COA8: variants seen among roughly 807,000 people sequenced by gnomAD.
COA8 encodes cytochrome c oxidase assembly factor 8, also known as UPF0671 protein C14orf153.
Under a neutral mutation model 22.0 loss-of-function variants are expected in COA8, and 20 were observed. The ratio of observed to expected loss-of-function variants is 0.91; its 90% CI spans 0.64 to 1.32. COA8 has a LOEUF of 1.32. COA8 is among the 40% of genes most tolerant of loss of function. The probability of loss-of-function intolerance (pLI) is 0.00; values close to 1 mark genes in which losing one functional copy is unlikely to be tolerated. For synonymous variants in COA8, 105 were observed against 79.9 expected (o/e 1.31, Z -1.68); for missense variants, 266 against 230.0 (o/e 1.16, Z -1.01).
Position 103,590,414 on chromosome 14 carries a change from C to T in COA8, c.*128C>T, listed in dbSNP as rs1249071163. ...CACATCTTCCTAAGGGGCCCCATGG[C>T]CTGTTTGGGGGCAGGGTAGGTCCTG... On this transcript the variant is annotated 3_prime_UTR_variant, in exon 5 of 5. Transcript: ENST00000409074. 5.6e-5 allele frequency: 47 copies of T among 844,078 alleles called. No homozygotes were observed. In the East Asian group the frequency reaches 6.4e-4, roughly 11 times the overall value. The allele number at this position is 844,078 out of a possible 1,614,324, so 52.3% of individuals were successfully genotyped here.
At chr14:103,577,176 TCTC>T (rs796510152) in intron 3 of COA8, among the ~76,000 whole-genome samples, 28 of 152,136 alleles carry the variant, frequency 1.8e-4, no homozygotes, top group African/African-American at 6.7e-4. Context: ...TTCAAGCAAT[TCTC>T]CTGTCTCAGC....
chr14:103,585,827 G>A (rs932962878), intron 3 of COA8, among the ~76,000 whole-genome samples: 1 of 151,792 alleles, frequency 6.6e-6, no homozygotes, highest in African/African-American at 2.4e-5. Context: ...ACTTGCCTCG[G>A]CCTCCCAAAG....
In COA8 at chr14:103,587,656, C is replaced by G. The variant is rs180798184; in HGVS notation, c.476+292C>G. Reference sequence around the variant, plus strand: ...CCGAGTAGCTGGGACTACAGGCACCCGCCAGCACGCCTGGCTAATTTTTTG... The same window carrying G: ...CCGAGTAGCTGGGACTACAGGCACCGGCCAGCACGCCTGGCTAATTTTTTG... On this transcript the variant is annotated intron_variant, in intron 4 of 4. Transcript: ENST00000409074. Among the ~76,000 whole-genome samples the G allele has an allele frequency of 9.0e-3, 1,367 of 151,598 alleles. 23 individuals are homozygous for G. Among genetic ancestry groups the G allele is most frequent in the African/African-American group, 0.032 (1,320 of 41,368 alleles).
chr14:103,569,576 G>A (rs1404403771), intron 1 of COA8, among the ~76,000 whole-genome samples: 1 of 152,210 alleles, frequency 6.6e-6, no homozygotes, highest in South Asian at 2.1e-4. Flanking sequence ...GTGCAGCCCT[G>A]GACAGTGGTC....
rs2076344710 is a variant in COA8, at chr14:103,590,581, A to G, written c.*295A>G. On this transcript the variant is annotated 3_prime_UTR_variant, in exon 5 of 5. Coordinates refer to ENST00000409074, the MANE Select transcript of COA8 (RefSeq NM_001370595.2). ...CAATTCAAAACAGAACTATTTAAAAATATTGGCCAGGCACGGTGGCTCACA... is the reference window on the plus strand; with the variant it reads ...CAATTCAAAACAGAACTATTTAAAAGTATTGGCCAGGCACGGTGGCTCACA... 3.9e-6 allele frequency: 1 copy of G among 259,492 alleles called. No individual in the cohort carries two copies. Among genetic ancestry groups the G allele is most frequent in the South Asian group, 5.8e-5 (1 of 17,278 alleles). 16.1% of individuals were successfully genotyped at this position (259,492 alleles called of 1,614,324 possible).
intron 4 of COA8, among the ~76,000 whole-genome samples, chr14:103,588,993 C>CT (rs2076331133): frequency 2.0e-5 from 3 of 152,310 alleles, no homozygotes; most frequent in Admixed American, 2.0e-4. Context: ...CGAGTATAAT[C>CT]TTTCCCTGGT....
At chr14:103,563,268 A>C in intron 1 of COA8, 144 bp downstream of exon 1, 1 of 1,125,280 alleles carries the variant, frequency 8.9e-7, no homozygotes, top group Middle Eastern at 1.9e-4. Context: ...ACAGTCCCGC[A>C]GCCCCGAGGC....
At chr14:103,574,268 AGGGC>A in intron 3 of COA8, 98 bp downstream of exon 3, 1 of 1,549,038 alleles carries the variant, frequency 6.5e-7, no homozygotes, top group South Asian at 1.1e-5. Context: ...GGGGAAGTTC[AGGGC>A]GGTCCTTGGC....
intron 3 of COA8, among the ~76,000 whole-genome samples, chr14:103,575,463 A>G (rs2076223887): frequency 6.6e-6 from 1 of 152,210 alleles, no homozygotes; most frequent in Non-Finnish European, 1.5e-5. Flanking sequence ...GAAAGTGAGC[A>G]GGCCACGGTG....
At chr14:103,565,259 C>G (rs1595134092) in intron 1 of COA8, among the ~76,000 whole-genome samples, 1 of 152,164 alleles carries the variant, frequency 6.6e-6, no homozygotes, top group East Asian at 1.9e-4. Context: ...CATGCCCAGC[C>G]AGCACCAGCT....
At chr14:103,568,542 C>T (rs906434333) in intron 1 of COA8, among the ~76,000 whole-genome samples, 6 of 150,556 alleles carry the variant, frequency 4.0e-5, no homozygotes, top group African/African-American at 1.5e-4. Context: ...CATATACACA[C>T]ACATGTACAC....
intron 2 of COA8, among the ~76,000 whole-genome samples, chr14:103,573,737 G>A (rs2076206321): frequency 6.6e-6 from 1 of 152,006 alleles, no homozygotes; most frequent in South Asian, 2.1e-4. Flanking sequence ...ATTTTTAGTA[G>A]AGACGGGGTT....
At chr14:103,587,456 A>G (rs2076316551) in intron 4 of COA8, 92 bp downstream of exon 4, 5 of 701,488 alleles carry the variant, frequency 7.1e-6, no homozygotes, top group Non-Finnish European at 1.1e-5. Flanking sequence ...ATTCATGTTT[A>G]TATCAGAGGT....
chr14:103,588,171 C>T (rs2076324733), intron 4 of COA8: 2 of 321,014 alleles, frequency 6.2e-6, no homozygotes, highest in South Asian at 3.0e-4. Flanking sequence ...ATAATAATGA[C>T]CTGTATTTAC....
At chr14:103,566,745 A>G (rs2076137815) in intron 1 of COA8, among the ~76,000 whole-genome samples, 1 of 152,136 alleles carries the variant, frequency 6.6e-6, no homozygotes, top group Non-Finnish European at 1.5e-5. Flanking sequence ...GCTTATGGAG[A>G]ATGGCTGAAT....
chr14:103,570,407 C>T lies in COA8; in HGVS notation c.124-1216C>T, dbSNP rs545200441. Reference sequence around the variant, plus strand: ...CTTCTTGCCCATTGCACAAACAAAACCAGTTCATGGAGACCATGGCATTGC... The same window carrying T: ...CTTCTTGCCCATTGCACAAACAAAATCAGTTCATGGAGACCATGGCATTGC... On this transcript the variant is annotated intron_variant, in intron 1 of 4. Transcript: ENST00000409074. 5.9e-5 allele frequency among the ~76,000 whole-genome samples: 9 copies of T among 152,130 alleles called. No individual in the cohort carries two copies. In the South Asian group the frequency reaches 1.0e-3, roughly 18 times the overall value.
At chr14:103,574,020 C>G in intron 2 of COA8, 87 bp from the exon 3 acceptor site, 1 of 1,445,306 alleles carries the variant, frequency 6.9e-7, no homozygotes, top group South Asian at 1.4e-5. Context: ...TCCAGTACAC[C>G]GTGAGCTGTG....
chr14:103,590,526 G>T lies in COA8; in HGVS notation c.*240G>T. ...GGTGTGAAATAAAGCCCAAGCACTGGGTGCCCGTTTCCTGTGTTTCGAATT... is the reference window on the plus strand; with the variant it reads ...GGTGTGAAATAAAGCCCAAGCACTGTGTGCCCGTTTCCTGTGTTTCGAATT... On this transcript the variant is annotated 3_prime_UTR_variant, in exon 5 of 5. Transcript: ENST00000409074. The T allele has an allele frequency of 2.3e-6, 1 of 436,408 alleles. No individual in the cohort carries two copies. The highest frequency in any genetic ancestry group is 3.3e-5 in the South Asian group (1 of 30,290). The allele number at this position is 436,408 out of a possible 1,614,324, so 27.0% of individuals were successfully genotyped here.
chr14:103,583,540 T>TGA (rs1566984784), intron 3 of COA8, among the ~76,000 whole-genome samples: 1 of 65,270 alleles, frequency 1.5e-5, no homozygotes, highest in African/African-American at 6.5e-5. Context: ...AGACTCGATC[T>TGA]CAAAAAAAAA....
Sources: gnomAD v4.1 joint callset for allele counts (sites outside exome capture counted in the v4.1 genomes callset) on GRCh38, gnomAD v4.1.1 for gene constraint, MANE v1.5 for transcripts, NCBI Gene and HGNC (gene_info 2026-07-23, HGNC 2026-07-21) for gene names.